TPO: variants seen among roughly 807,000 people sequenced by gnomAD.
TPO encodes thyroid peroxidase, also known as thyroid microsomal antigen.
Under a neutral mutation model 96.9 loss-of-function variants are expected in TPO, and 78 were observed. That is an observed-to-expected ratio of 0.81 (90% CI 0.67 to 0.97). The LOEUF (loss-of-function observed/expected upper bound fraction) is 0.97, where lower values mean the gene tolerates loss of function less well. Ranked by LOEUF, TPO falls within the 50% of genes least tolerant of loss-of-function variation. The pLI, the probability that TPO is intolerant of heterozygous loss-of-function variation, is 0.00. For synonymous variants in TPO, 547 were observed against 538.0 expected (o/e 1.02, Z -0.23); for missense variants, 1,252 against 1,274.8 (o/e 0.98, Z 0.27).
chr2:1,438,744 C>G (rs908722903), intron 5 of TPO: 15 of 699,936 alleles, frequency 2.1e-5, no homozygotes, highest in Non-Finnish European at 3.7e-5. Context: ...CTAAATCTTG[C>G]TTGATTTGCA....
chr2:1,393,440 G>A (rs1334778487), intron 1 of TPO, among the ~76,000 whole-genome samples: 6 of 152,236 alleles, frequency 3.9e-5, no homozygotes, highest in African/African-American at 1.4e-4. Context: ...GCAGAGTTAA[G>A]ATCAGGTCCA....
At chr2:1,542,388 G>A (rs1467590826) in intron 16 of TPO, 33 bp from the exon 17 acceptor site, 2 of 1,613,670 alleles carry the variant, frequency 1.2e-6, no homozygotes, top group Admixed American at 1.7e-5. Context: ...TCAGAATTCA[G>A]ACGTTATTAA....
intron 5 of TPO, among the ~76,000 whole-genome samples, chr2:1,442,995 G>T (rs9750163): frequency 3.3e-5 from 5 of 152,194 alleles, no homozygotes; most frequent in African/African-American, 9.7e-5. Context: ...CAGCACTTTC[G>T]GAGGCTGAGG....
intron 14 of TPO, 132 bp from the exon 15 acceptor site, chr2:1,516,751 T>G: frequency 1.3e-6 from 1 of 792,024 alleles, no homozygotes; most frequent in East Asian, 2.6e-5. Flanking sequence ...TAAATGTCCC[T>G]CCCTCCCTGC....
intron 5 of TPO, among the ~76,000 whole-genome samples, chr2:1,438,212 G>C (rs774420307): frequency 1.3e-5 from 2 of 151,962 alleles, no homozygotes; most frequent in Non-Finnish European, 2.9e-5. Context: ...GGAGATGTGG[G>C]GGCGGGGCTG....
chr2:1,394,929 G>A lies in TPO; in HGVS notation n.180+20527G>A, dbSNP rs180927596. 2.6e-5 allele frequency among the ~76,000 whole-genome samples: 4 copies of A among 152,160 alleles called. No individual in the cohort carries two copies. The East Asian group carries it at 7.7e-4, about 29-fold the overall frequency. On this transcript the variant is annotated intron_variant and non_coding_transcript_variant, in intron 1 of 5. Coordinates refer to the TPO transcript ENST00000497517. ...GTGATTCCAGGCTCCTAGTCACCGCGCAGGGCCTCTTCTGACCCTGAGGCT... is the reference window on the plus strand; with the variant it reads ...GTGATTCCAGGCTCCTAGTCACCGCACAGGGCCTCTTCTGACCCTGAGGCT...
At position 1,396,747 on chromosome 2, in the gene TPO, C is replaced by T. The variant is rs571606534; in HGVS notation, n.180+22345C>T. On this transcript the variant is annotated intron_variant and non_coding_transcript_variant, in intron 1 of 5. Transcript: ENST00000497517. ...AGCTGTCAGTGTCTGTTAACAATCA[C>T]GTCCAGCTGGCCCGCCTAGGACCCA... 3.1e-4 allele frequency among the ~76,000 whole-genome samples: 47 copies of T among 152,282 alleles called. No individual in the cohort carries two copies. In the South Asian group the frequency reaches 6.0e-3, roughly 19 times the overall value.
intron 15 of TPO, among the ~76,000 whole-genome samples, chr2:1,531,978 C>G (rs1678370623): frequency 1.9e-5 from 2 of 104,772 alleles, no homozygotes; most frequent in Non-Finnish European, 4.1e-5. Flanking sequence ...AATCTCCCCA[C>G]TGTGTGCAAC....
At chr2:1,451,497 A>C (rs1192293670) in intron 5 of TPO, among the ~76,000 whole-genome samples, 1 of 152,176 alleles carries the variant, frequency 6.6e-6, no homozygotes, top group African/African-American at 2.4e-5. Context: ...AAGTGTGTAC[A>C]TATCAGATAC....
chr2:1,541,852 G>A (rs1284506481), intron 16 of TPO: 7 of 154,678 alleles, frequency 4.5e-5, no homozygotes, highest in Admixed American at 3.8e-4. Flanking sequence ...TTGCCAACAT[G>A]ATCGGTCTCC....
chr2:1,435,060 A>T (rs1665424915), intron 4 of TPO, among the ~76,000 whole-genome samples: 2 of 152,034 alleles, frequency 1.3e-5, no homozygotes, highest in African/African-American at 4.8e-5. Context: ...CAGCCTCCTG[A>T]GTAACTGGGA....
chr2:1,489,574 G>T (rs1456159631), intron 10 of TPO, among the ~76,000 whole-genome samples: 1 of 152,208 alleles, frequency 6.6e-6, no homozygotes, highest in Admixed American at 6.5e-5. Context: ...CAGGAGGAAG[G>T]GCTGTGTTTC....
intron 13 of TPO, among the ~76,000 whole-genome samples, chr2:1,503,472 G>T (rs1458064107): frequency 1.3e-5 from 2 of 152,198 alleles, no homozygotes; most frequent in Non-Finnish European, 2.9e-5. Flanking sequence ...TCTTGTGCAG[G>T]GGGAGCAGGA....
At chr2:1,463,949 G>A (rs930490918) in intron 7 of TPO, among the ~76,000 whole-genome samples, 4 of 152,274 alleles carry the variant, frequency 2.6e-5, no homozygotes, top group South Asian at 2.1e-4. Flanking sequence ...TTGGTTACAT[G>A]AGTAAGTTCT....
chr2:1,471,995 C>T (rs928844687), intron 7 of TPO, among the ~76,000 whole-genome samples: 1 of 151,026 alleles, frequency 6.6e-6, no homozygotes, highest in Non-Finnish European at 1.5e-5. Flanking sequence ...CATGCCCTTC[C>T]CATGATCTGA....
intron 13 of TPO, 59 bp from the exon 14 acceptor site, chr2:1,503,889 C>G: frequency 1.2e-6 from 2 of 1,613,652 alleles, no homozygotes; most frequent in Non-Finnish European, 8.5e-7. Flanking sequence ...GGGGGTCGCT[C>G]GCGGGAGATG....
intron 2 of TPO, among the ~76,000 whole-genome samples, chr2:1,422,391 G>GCTGGACTGACCTCGTGCAGCCGCCTCT (rs1663825998): frequency 1.9e-5 from 1 of 51,910 alleles, no homozygotes; most frequent in African/African-American, 1.1e-4. Flanking sequence ...CAGGCGCCGC[G>GCTGGACTGACCTCGTGCAGCCGCCTCT]CTGGGCCATG....
intron 1 of TPO, among the ~76,000 whole-genome samples, chr2:1,397,881 T>C (rs1367428860): frequency 6.6e-6 from 1 of 152,164 alleles, no homozygotes. Flanking sequence ...CCCAGACACA[T>C]GTCAGAAGCT....
intron 14 of TPO, among the ~76,000 whole-genome samples, chr2:1,506,189 A>G (rs979875567): frequency 2.0e-5 from 3 of 152,014 alleles, no homozygotes; most frequent in Admixed American, 2.0e-4. Flanking sequence ...TTCCAGTTTC[A>G]TCCATGTCCC....
Sources: allele counts gnomAD v4.1 joint callset (sites outside exome capture counted in the v4.1 genomes callset), GRCh38; gene constraint gnomAD v4.1.1; transcripts MANE v1.5; gene names NCBI Gene and HGNC (gene_info 2026-07-23, HGNC 2026-07-21).